Variants in CDC14B observed in about 807,000 individuals in gnomAD.
The protein encoded by CDC14B is dual specificity protein phosphatase CDC14B.
A neutral mutation model predicts 64.2 loss-of-function variants in CDC14B; 22 were observed. The ratio of observed to expected loss-of-function variants is 0.34; its 90% confidence interval spans 0.24 to 0.49. CDC14B has a LOEUF of 0.49. Ranked by LOEUF, CDC14B falls within the 20% of genes least tolerant of loss-of-function variation. CDC14B has a pLI of 0.99. For missense variants in CDC14B, 498 were observed against 629.9 expected (o/e 0.79, Z 2.24); for synonymous variants, 191 against 215.8 (o/e 0.89, Z 1.01).
intron 1 of CDC14B, among the ~76,000 whole-genome samples, chr9:96,589,499 T>C (rs191300260): frequency 3.9e-4 from 59 of 152,320 alleles, no homozygotes; most frequent in Admixed American, 3.6e-3. Context: ...TTTTCATTTG[T>C]CAGGTGTATG....
intron 1 of CDC14B, among the ~76,000 whole-genome samples, chr9:96,575,191 T>C (rs879682379): frequency 3.3e-5 from 5 of 152,166 alleles, no homozygotes; most frequent in African/African-American, 7.2e-5. Flanking sequence ...GCTCTACCCA[T>C]TTGCAGACAC....
chr9:96,566,937 G>C, intron 1 of CDC14B: 2 of 1,508,804 alleles, frequency 1.3e-6, no homozygotes, highest in South Asian at 2.5e-5. Flanking sequence ...GCGGGGCAGC[G>C]GGCGCAGCGA....
downstream of CDC14B, among the ~76,000 whole-genome samples, chr9:96,496,768 G>A (rs1166991626): frequency 1.3e-5 from 2 of 152,204 alleles, no homozygotes; most frequent in East Asian, 1.9e-4. Context: ...CCCTCCCTCC[G>A]AGAAGCCCCT....
intron 5 of CDC14B, among the ~76,000 whole-genome samples, chr9:96,546,811 C>T (rs1231656314): frequency 6.6e-6 from 1 of 151,502 alleles, no homozygotes; most frequent in Non-Finnish European, 1.5e-5. Flanking sequence ...GCCTGTAATC[C>T]CAGCACTTTG....
intron 4 of CDC14B, among the ~76,000 whole-genome samples, chr9:96,553,090 T>C (rs1388161853): frequency 1.3e-5 from 2 of 152,206 alleles, no homozygotes. Flanking sequence ...TGTACTTAGC[T>C]GAACCCAAAT....
chr9:96,569,226 C>T (rs974915367), intron 1 of CDC14B, among the ~76,000 whole-genome samples: 2 of 152,158 alleles, frequency 1.3e-5, no homozygotes, highest in Non-Finnish European at 2.9e-5. Context: ...TTTCCAAAGC[C>T]GACTCTTGAT....
At chr9:96,568,071 G>A (rs893416352) in intron 1 of CDC14B, among the ~76,000 whole-genome samples, 13 of 152,148 alleles carry the variant, frequency 8.5e-5, no homozygotes, top group Non-Finnish European at 1.6e-4. Flanking sequence ...AGATAAGAAG[G>A]TGCTGGGATT....
Position 96,551,888 on chromosome 9 carries a change from G to C in CDC14B, c.421-16C>G. 6.3e-7 allele frequency: 1 copy of C among 1,589,446 alleles called. No homozygotes were observed. Among genetic ancestry groups the C allele is most frequent in the Non-Finnish European group, 8.5e-7 (1 of 1,172,144 alleles). ...AATATATAACCTATGTTTGAAAAAA[G>C]AAGAAAAAGGCAATTTATTTCTAAG... On this transcript the variant is annotated splice_polypyrimidine_tract_variant and intron_variant, in intron 4 of 13. Coordinates refer to ENST00000375241, the MANE Select transcript of CDC14B (RefSeq NM_033331.4).
intron 1 of CDC14B, among the ~76,000 whole-genome samples, chr9:96,588,200 T>C (rs1845566302): frequency 6.6e-6 from 1 of 152,156 alleles, no homozygotes; most frequent in Non-Finnish European, 1.5e-5. Context: ...GGCTGTTCAC[T>C]GAAAGCCCCC....
chr9:96,582,003 A>C (rs892155933), intron 1 of CDC14B, among the ~76,000 whole-genome samples: 3 of 152,174 alleles, frequency 2.0e-5, no homozygotes, highest in African/African-American at 7.2e-5. Flanking sequence ...GCTGACTCCC[A>C]GTGCGCTTCA....
chr9:96,494,019 C>G (rs1833155068), intron 13 of CDC14B, among the ~76,000 whole-genome samples: 1 of 152,220 alleles, frequency 6.6e-6, no homozygotes, highest in African/African-American at 2.4e-5. Flanking sequence ...CTCCTACCCG[C>G]TTTCCCCCTG....
intron 1 of CDC14B, among the ~76,000 whole-genome samples, chr9:96,573,653 A>C (rs922022925): frequency 9.2e-5 from 14 of 152,268 alleles, no homozygotes; most frequent in African/African-American, 3.1e-4. Flanking sequence ...AAAGGAATTA[A>C]ATGTAATAAA....
chr9:96,589,167 C>T (rs1170435771), intron 1 of CDC14B, among the ~76,000 whole-genome samples: 2 of 151,558 alleles, frequency 1.3e-5, no homozygotes, highest in East Asian at 3.9e-4. Context: ...GAAACCCTAT[C>T]TCTACTAAAA....
intron 1 of CDC14B, among the ~76,000 whole-genome samples, chr9:96,603,187 CACACAA>C (rs1846623389): frequency 1.3e-5 from 2 of 150,708 alleles, no homozygotes; most frequent in Admixed American, 1.3e-4. Context: ...CACACACACA[CACACAA>C]ATACACAAAA....
intron 1 of CDC14B, among the ~76,000 whole-genome samples, chr9:96,578,069 T>C (rs1844914663): frequency 6.6e-6 from 1 of 152,156 alleles, no homozygotes. Context: ...TATAAAAATA[T>C]CTTTTAAGAA....
intron 3 of CDC14B, 38 bp downstream of exon 3, chr9:96,564,739 T>A (rs1045126150): frequency 1.6e-6 from 2 of 1,287,568 alleles, no homozygotes; most frequent in Admixed American, 2.1e-5. Flanking sequence ...CAGATCAAGC[T>A]AACAATGATT....
chr9:96,587,041 C>T (rs956581130), intron 1 of CDC14B, among the ~76,000 whole-genome samples: 3 of 152,012 alleles, frequency 2.0e-5, no homozygotes, highest in African/African-American at 4.8e-5. Flanking sequence ...GGCGTGTTGG[C>T]GTGTGCCTGT....
At chr9:96,541,936 C>T in intron 5 of CDC14B, 44 bp from the exon 6 acceptor site, 2 of 1,342,392 alleles carry the variant, frequency 1.5e-6, no homozygotes, top group Middle Eastern at 1.8e-4. Context: ...TAATTTTCTG[C>T]AATTACACTT....
downstream of CDC14B, among the ~76,000 whole-genome samples, chr9:96,499,215 G>A (rs1467367063): frequency 1.3e-5 from 2 of 152,188 alleles, no homozygotes; most frequent in Admixed American, 6.5e-5. Context: ...GTCGGGAGAG[G>A]GGCGAGAAGG....
Sources: gnomAD v4.1 joint callset for allele counts (sites outside exome capture counted in the v4.1 genomes callset) on GRCh38, gnomAD v4.1.1 for gene constraint, MANE v1.5 for transcripts, NCBI Gene and HGNC (gene_info 2026-07-23, HGNC 2026-07-21) for gene names.